Variants in ANKRD62 observed in about 807,000 individuals in gnomAD.
ANKRD62 encodes ankyrin repeat domain 62.
In ANKRD62, 61 loss-of-function variants were observed where a neutral mutation model predicts 98.8. That is an observed-to-expected ratio of 0.62 (90% CI 0.50 to 0.76). The LOEUF is 0.76. Among genes scored for constraint, ANKRD62 ranks in the 30% least tolerant of loss-of-function variants. The pLI, the probability that ANKRD62 is intolerant of heterozygous loss-of-function variation, is 0.00. For missense variants in ANKRD62, 933 were observed against 1,082.9 expected, an observed-to-expected ratio of 0.86 and a Z score of 1.94; for synonymous variants, 341 against 367.9, an observed-to-expected ratio of 0.93 and a Z score of 0.84.
chr18:12,125,710 A>T lies in ANKRD62; in HGVS notation c.1889A>T (p.Asp630Val). The T allele has an allele frequency of 6.5e-7, 1 of 1,541,326 alleles. No homozygotes were observed. ...AGTAAAGAGCTTAATGTTCTGATGG[A>T]TGAGAATACAATGCTCAATTCTGAG... The part of the protein sequence containing the change: ...RYSKELNVLM[D>V]ENTMLNSELQ... The change falls in exon 13 of 14, where the codon GAT (aspartate) becomes GTT (valine). Residue 630 changes from aspartate to valine, a missense_variant. This residue lies in a region of ANKRD62 where 362 missense variants were observed against 434.5 expected (regional missense o/e 0.83). Coordinates refer to ENST00000587848, the MANE Select transcript of ANKRD62 (RefSeq NM_001277333.2).
intron 8 of ANKRD62, among the ~76,000 whole-genome samples, chr18:12,110,357 G>A (rs1909513165): frequency 6.6e-6 from 1 of 152,096 alleles, no homozygotes; most frequent in African/African-American, 2.4e-5. Flanking sequence ...ATAAGCATGA[G>A]CAAAATGATA....
the ANKRD62 span, among the ~76,000 whole-genome samples, chr18:12,136,386 C>T: frequency 6.6e-6 from 1 of 152,128 alleles, no homozygotes; most frequent in African/African-American, 2.4e-5. Flanking sequence ...GAGCTCTGTT[C>T]TTTTCCATTG....
At chr18:12,139,489 T>TA in the ANKRD62 span, among the ~76,000 whole-genome samples, 3 of 151,766 alleles carry the variant, frequency 2.0e-5, no homozygotes, top group African/African-American at 4.8e-5. Context: ...CTAAAAATAC[T>TA]GAAAAAATGA....
chr18:12,132,505 G>A (rs1338224338), downstream of ANKRD62, among the ~76,000 whole-genome samples: 6 of 151,330 alleles, frequency 4.0e-5, no homozygotes, highest in Admixed American at 1.3e-4. Context: ...ACAGTGGCTC[G>A]AATTTGCAGT....
rs1197312748 is a variant in ANKRD62, at chr18:12,107,390, T to C, written c.987T>C (p.Asp329=). The C allele has an allele frequency of 6.6e-7, 1 of 1,525,978 alleles. No individual in the cohort carries two copies. The allele number at this position is 1,525,978 out of a possible 1,614,324, so 94.5% of individuals were successfully genotyped here. ...GTGACAATTATAATGATGATGTTGA[T>C]GAATTAATTCACAAAATAAAGAACA... is the stretch of plus-strand genomic sequence containing the variant. ...DDSDNYNDDV[D]ELIHKIKNRK... The change falls in exon 8 of 14, where the codon GAT becomes GAC. Residue 329 remains aspartate (D), a synonymous_variant. Coordinates refer to ENST00000587848, the MANE Select transcript of ANKRD62 (RefSeq NM_001277333.2).
the ANKRD62 span, among the ~76,000 whole-genome samples, chr18:12,165,224 A>G: frequency 2.0e-5 from 3 of 151,928 alleles, no homozygotes; most frequent in South Asian, 2.1e-4. Flanking sequence ...TTGTTCATCC[A>G]TTAGGCAACT....
chr18:12,149,969 A>G, the ANKRD62 span, among the ~76,000 whole-genome samples: 12 of 152,162 alleles, frequency 7.9e-5, no homozygotes, highest in African/African-American at 2.9e-4. Context: ...AATAGAATTC[A>G]GACTATGGGC....
chr18:12,115,333 AT>A, intron 9 of ANKRD62, 59 bp from the exon 10 acceptor site: 1 of 1,432,822 alleles, frequency 7.0e-7, no homozygotes, highest in Non-Finnish European at 9.3e-7. Context: ...ACTGGTGTAT[AT>A]TTAGTATATG....
the ANKRD62 span, among the ~76,000 whole-genome samples, chr18:12,158,557 G>C: frequency 2.6e-5 from 4 of 151,252 alleles, no homozygotes; most frequent in African/African-American, 9.7e-5. Context: ...ACGGAGTCTC[G>C]CTGTGTCGCC....
chr18:12,096,512 T>C (rs1227666407), intron 4 of ANKRD62, among the ~76,000 whole-genome samples: 1 of 152,214 alleles, frequency 6.6e-6, no homozygotes, highest in African/African-American at 2.4e-5. Context: ...TCTCTTATTA[T>C]ATTGACTGAT....
chr18:12,169,999 A>G, the ANKRD62 span, among the ~76,000 whole-genome samples: 6 of 151,600 alleles, frequency 4.0e-5, no homozygotes, highest in African/African-American at 1.5e-4. Context: ...TTTTTATTGC[A>G]TCTATTTGAT....
chr18:12,104,977 C>G (rs1909382645), intron 7 of ANKRD62, among the ~76,000 whole-genome samples: 1 of 151,986 alleles, frequency 6.6e-6, no homozygotes, highest in South Asian at 2.1e-4. Context: ...ACAAAAAGTA[C>G]AAAAGCAAGG....
In ANKRD62 at chr18:12,128,275, A is replaced by G. The variant is rs1319622413; in HGVS notation, c.*336A>G. 6.5e-6 allele frequency: 1 copy of G among 154,868 alleles called. No individual in the cohort carries two copies. Among genetic ancestry groups the G allele is most frequent in the Non-Finnish European group, 1.4e-5 (1 of 70,056 alleles). 9.6% of individuals were successfully genotyped at this position (154,868 alleles called of 1,614,324 possible). On this transcript the variant is annotated 3_prime_UTR_variant, in exon 14 of 14. Coordinates refer to ENST00000587848, the MANE Select transcript of ANKRD62 (RefSeq NM_001277333.2). ...TGTTTCAGAAAATTTTCTTTTTTTA[A>G]TCTCTACTTTTCTGTGTGAATAAAG...
At chr18:12,102,523 TTA>T (rs1909325770) in intron 6 of ANKRD62, 1 of 337,774 alleles carries the variant, frequency 3.0e-6, no homozygotes, top group South Asian at 3.0e-5. Flanking sequence ...TGTATTTTAG[TTA>T]TAGTCGGTTA....
the ANKRD62 span, among the ~76,000 whole-genome samples, chr18:12,172,961 G>A: frequency 1.5e-4 from 23 of 152,306 alleles, no homozygotes; most frequent in Middle Eastern, 3.4e-3. Flanking sequence ...TAGGAAAAGC[G>A]CAGTATTAGG....
intron 8 of ANKRD62, among the ~76,000 whole-genome samples, chr18:12,111,248 C>CAA (rs35918523): frequency 0.01 from 1,292 of 124,700 alleles, 15 homozygotes; most frequent in African/African-American, 0.029. Context: ...GACTGCCTCT[C>CAA]AAAAAAAAAA....
chr18:12,156,378 A>G, the ANKRD62 span, among the ~76,000 whole-genome samples: 1 of 152,138 alleles, frequency 6.6e-6, no homozygotes, highest in Admixed American at 6.6e-5. Flanking sequence ...TGTCAAAAGG[A>G]GTATCCCACA....
the ANKRD62 span, among the ~76,000 whole-genome samples, chr18:12,135,994 G>A: frequency 6.6e-6 from 1 of 152,128 alleles, no homozygotes; most frequent in East Asian, 1.9e-4. Context: ...TCTGTAGGTT[G>A]CCTGTTCACT....
rs370490550 is a variant in ANKRD62, at chr18:12,107,086, A to G, written c.892-209A>G. On this transcript the variant is annotated intron_variant, in intron 7 of 13. Coordinates refer to ENST00000587848, the MANE Select transcript of ANKRD62 (RefSeq NM_001277333.2). The stretch of plus-strand genomic sequence containing the variant: ...TTTGAAAGTTTTGAAAATTTTATTC[A>G]CTCAAACAGAAATAAATCAGACTTT... 1.3e-4 allele frequency among the ~76,000 whole-genome samples: 19 copies of G among 152,000 alleles called. No individual in the cohort carries two copies. The East Asian group carries it at 2.5e-3, about 20-fold the overall frequency.
Sources: gnomAD v4.1 joint callset for allele counts (sites outside exome capture counted in the v4.1 genomes callset) on GRCh38, gnomAD v4.1.1 for gene constraint, gnomAD v4.1.1 regional missense constraint, MANE v1.5 for transcripts, NCBI Gene and HGNC (gene_info 2026-07-23, HGNC 2026-07-21) for gene names.